Variants in CHST11 observed in about 807,000 individuals in gnomAD.
The protein encoded by CHST11 is C4S-1.
In CHST11, 9 loss-of-function variants were observed where a neutral mutation model predicts 30.4. The observed-to-expected ratio is 0.30, with a 90% CI of 0.18 to 0.52. The LOEUF (loss-of-function observed/expected upper bound fraction) is 0.52, where lower values mean the gene tolerates loss of function less well. CHST11 is among the 20% of genes least tolerant of loss of function. The pLI, the probability that CHST11 is intolerant of heterozygous loss-of-function variation, is 0.97. For missense variants in CHST11, 348 were observed against 460.6 expected, an observed-to-expected ratio of 0.76 and a Z score of 2.24; for synonymous variants, 152 against 187.8, an observed-to-expected ratio of 0.81 and a Z score of 1.56.
At chr12:104,482,660 G>C (rs925162847) in intron 1 of CHST11, among the ~76,000 whole-genome samples, 1 of 152,114 alleles carries the variant, frequency 6.6e-6, no homozygotes, top group Non-Finnish European at 1.5e-5. Context: ...AGGACCTAGT[G>C]TGTGCCCGGA....
At chr12:104,520,357 C>T (rs2038063301) in intron 1 of CHST11, among the ~76,000 whole-genome samples, 1 of 152,114 alleles carries the variant, frequency 6.6e-6, no homozygotes, top group African/African-American at 2.4e-5. Context: ...CAGTGAGAGG[C>T]AGTAGGACTA....
intron 1 of CHST11, among the ~76,000 whole-genome samples, chr12:104,595,085 C>G (rs1369582775): frequency 6.6e-6 from 1 of 152,168 alleles, no homozygotes; most frequent in Non-Finnish European, 1.5e-5. Flanking sequence ...CTGAGATCCC[C>G]TAACTCTGAT....
intron 1 of CHST11, among the ~76,000 whole-genome samples, chr12:104,488,698 TGTGTATGTGTGTATGTGTGC>T (rs1252981812): frequency 2.2e-5 from 3 of 137,174 alleles, no homozygotes; most frequent in African/African-American, 3.4e-5. Flanking sequence ...TGCGTATGTG[TGTGTATGTGTGTATGTGTGC>T]GTGTATGTGT....
At chr12:104,516,493 C>T (rs563846780) in intron 1 of CHST11, among the ~76,000 whole-genome samples, 1 of 152,046 alleles carries the variant, frequency 6.6e-6, no homozygotes, top group Non-Finnish European at 1.5e-5. Context: ...AGGTGGATAT[C>T]ATTTCCTCCA....
intron 2 of CHST11, among the ~76,000 whole-genome samples, chr12:104,750,376 GT>G (rs1178061344): frequency 9.0e-6 from 1 of 111,296 alleles, no homozygotes; most frequent in East Asian, 2.8e-4. Flanking sequence ...GCATTTGAAT[GT>G]TTATGTTTGT....
chr12:104,622,495 C>T (rs1382222754), intron 2 of CHST11, among the ~76,000 whole-genome samples: 1 of 152,104 alleles, frequency 6.6e-6, no homozygotes, highest in Non-Finnish European at 1.5e-5. Context: ...TCAAGGTTGG[C>T]AGGGGAGATA....
chr12:104,560,062 G>A lies in CHST11; in HGVS notation c.119-41844G>A, dbSNP rs577505299. 1.2e-4 allele frequency among the ~76,000 whole-genome samples: 18 copies of A among 152,324 alleles called. No individual in the cohort carries two copies. The South Asian group carries it at 3.5e-3, about 30-fold the overall frequency. ...TTCTAAGGGAAGAGTGTTTGTGGCA[G>A]AGGGAATACCAAGGACAAAGGCTCA... On this transcript the variant is annotated intron_variant, in intron 1 of 2. Transcript: ENST00000303694.
chr12:104,657,150 C>T (rs1032144850), intron 2 of CHST11, among the ~76,000 whole-genome samples: 2 of 152,300 alleles, frequency 1.3e-5, no homozygotes, highest in Non-Finnish European at 1.5e-5. Context: ...GTTTGTTTTT[C>T]CTGTTACCTA....
chr12:104,503,876 A>G (rs2135976421), intron 1 of CHST11, among the ~76,000 whole-genome samples: 1 of 152,320 alleles, frequency 6.6e-6, no homozygotes, highest in Middle Eastern at 3.4e-3. Flanking sequence ...TATGGGGAGA[A>G]AAAGAAAATT....
chr12:104,588,048 G>A (rs1471495288), intron 1 of CHST11, among the ~76,000 whole-genome samples: 1 of 151,118 alleles, frequency 6.6e-6, no homozygotes, highest in Non-Finnish European at 1.5e-5. Context: ...TAATATTATG[G>A]GTTGATTCTT....
chr12:104,745,161 A>C (rs1311182440), intron 2 of CHST11, among the ~76,000 whole-genome samples: 2 of 152,178 alleles, frequency 1.3e-5, no homozygotes, highest in Non-Finnish European at 2.9e-5. Flanking sequence ...GGCATAAGCC[A>C]CCACGCCCGG....
At chr12:104,578,293 C>T (rs994754717) in intron 1 of CHST11, among the ~76,000 whole-genome samples, 2 of 152,168 alleles carry the variant, frequency 1.3e-5, no homozygotes, top group African/African-American at 4.8e-5. Context: ...CGTTGAACCC[C>T]GAGTTCCGTT....
At chr12:104,710,214 GT>G (rs1187762587) in intron 2 of CHST11, among the ~76,000 whole-genome samples, 1 of 151,994 alleles carries the variant, frequency 6.6e-6, no homozygotes, top group Non-Finnish European at 1.5e-5. Context: ...AAAAAAAGAA[GT>G]TTTTTCATGT....
At chr12:104,596,884 G>T (rs1402136933) in intron 1 of CHST11, among the ~76,000 whole-genome samples, 1 of 152,120 alleles carries the variant, frequency 6.6e-6, no homozygotes, top group African/African-American at 2.4e-5. Context: ...TCTGTAAATC[G>T]AGGGGATTGG....
chr12:104,544,775 C>T lies in CHST11; in HGVS notation c.119-57131C>T, dbSNP rs562528574. Among the ~76,000 whole-genome samples, 9 of 120,850 alleles carry T rather than the reference C, an allele frequency of 7.4e-5. 2 individuals are homozygous for T. Among genetic ancestry groups the T allele is most frequent in the Non-Finnish European group, 1.3e-4 (7 of 54,490 alleles). 79.3% of individuals were successfully genotyped at this position (120,850 alleles called of 152,430 possible). ...TGTGCCCTGGGGGTCACAGTCCCCC[C>T]ACCCCGGAGATAATGGATTTGGTGC... On this transcript the variant is annotated intron_variant, in intron 1 of 2. Coordinates refer to ENST00000303694, the MANE Select transcript of CHST11 (RefSeq NM_018413.6).
intron 2 of CHST11, among the ~76,000 whole-genome samples, chr12:104,691,123 A>C (rs1212128890): frequency 2.0e-5 from 3 of 152,180 alleles, no homozygotes; most frequent in African/African-American, 7.2e-5. Context: ...GTCCTCGAAG[A>C]ACAGATGGCC....
At chr12:104,625,522 C>A (rs955172916) in intron 2 of CHST11, among the ~76,000 whole-genome samples, 1 of 152,188 alleles carries the variant, frequency 6.6e-6, no homozygotes, top group East Asian at 1.9e-4. Context: ...CCAGGCTGGT[C>A]TTGAACTCCT....
At chr12:104,527,905 A>C (rs2038144243) in intron 1 of CHST11, among the ~76,000 whole-genome samples, 1 of 152,156 alleles carries the variant, frequency 6.6e-6, no homozygotes, top group African/African-American at 2.4e-5. Context: ...GTAAGGGAGG[A>C]AGTACCACAC....
intron 2 of CHST11, among the ~76,000 whole-genome samples, chr12:104,720,229 C>T (rs2040163218): frequency 6.6e-6 from 1 of 152,232 alleles, no homozygotes; most frequent in South Asian, 2.1e-4. Flanking sequence ...CTACTGTGTG[C>T]CAAGCATTTT....
Sources: gnomAD v4.1 joint callset for allele counts (sites outside exome capture counted in the v4.1 genomes callset) on GRCh38, gnomAD v4.1.1 for gene constraint, MANE v1.5 for transcripts, NCBI Gene and HGNC (gene_info 2026-07-23, HGNC 2026-07-21) for gene names.